The following UNC13C variants were observed in gnomAD, a reference collection of about 807,000 sequenced individuals.
UNC13C encodes protein unc-13 homolog C.
In UNC13C, 174 loss-of-function variants were observed where a neutral mutation model predicts 245.4. The ratio of observed to expected loss-of-function variants is 0.71; its 90% confidence interval spans 0.63 to 0.80. The LOEUF is 0.80. Ranked by LOEUF, UNC13C falls within the 30% of genes least tolerant of loss-of-function variation. UNC13C has a pLI of 0.00. For missense variants in UNC13C, 2,829 were observed against 2,602.9 expected (o/e 1.09, Z -1.89); for synonymous variants, 992 against 895.1 (o/e 1.11, Z -1.93).
intron 2 of UNC13C, among the ~76,000 whole-genome samples, chr15:54,136,230 C>T (rs1478784739): frequency 3.3e-5 from 5 of 152,182 alleles, no homozygotes; most frequent in Admixed American, 3.3e-4. Flanking sequence ...CTTGACCTCC[C>T]AGGCTCAGGT....
chr15:54,300,405 A>G (rs1242999196), intron 13 of UNC13C, 32 bp downstream of exon 13: 2 of 1,525,664 alleles, frequency 1.3e-6, no homozygotes, highest in South Asian at 1.2e-5. Flanking sequence ...CATGGTCAAT[A>G]TCTCTATTAA....
At chr15:53,969,188 A>G in the UNC13C span, among the ~76,000 whole-genome samples, 1 of 152,172 alleles carries the variant, frequency 6.6e-6, no homozygotes, top group African/African-American at 2.4e-5. Context: ...GAAGAGAATC[A>G]GGGCAAGATA....
the UNC13C span, among the ~76,000 whole-genome samples, chr15:53,898,827 T>C: frequency 6.6e-6 from 1 of 152,226 alleles, no homozygotes; most frequent in Non-Finnish European, 1.5e-5. Context: ...ATTTCAAGTA[T>C]ACAATACAGT....
Position 54,385,564 on chromosome 15 carries a change from G to A in UNC13C, c.4714-7484G>A, listed in dbSNP as rs144186896. ...AAGGTGGGTTGTGGCGAGGGTTGGA[G>A]GGGGGCAGGATGAAGCAGGGTTGAT... On this transcript the variant is annotated intron_variant, in intron 17 of 32. Coordinates refer to ENST00000260323, the MANE Select transcript of UNC13C (RefSeq NM_001080534.3). Among the ~76,000 whole-genome samples, 13 of 149,944 alleles carry A rather than the reference G, an allele frequency of 8.7e-5. No individual in the cohort carries two copies. The East Asian group carries it at 2.5e-3, about 29-fold the overall frequency.
At chr15:54,439,332 T>G (rs1890388870) in intron 19 of UNC13C, among the ~76,000 whole-genome samples, 2 of 151,994 alleles carry the variant, frequency 1.3e-5, no homozygotes, top group Non-Finnish European at 2.9e-5. Flanking sequence ...ACCCAGTGCC[T>G]TTGGTAGGTT....
rs1186388587 is a variant in UNC13C at position 54,331,971 on chromosome 15, C to G, written c.4426-72C>G. On this transcript the variant is annotated intron_variant, in intron 14 of 32. Transcript: ENST00000260323. ...TCCTTTCTATAAAATAGAGACAAAA[C>G]TCAGAATTATTATGAGGTCTTTAGA... The G allele has an allele frequency of 3.1e-6, 3 of 982,140 alleles. No homozygotes were observed. The African/African-American group carries it at 5.0e-5, about 16-fold the overall frequency. 60.8% of individuals were successfully genotyped at this position (982,140 alleles called of 1,614,324 possible).
chr15:54,335,131 T>G (rs2038539357), intron 16 of UNC13C, among the ~76,000 whole-genome samples: 1 of 152,132 alleles, frequency 6.6e-6, no homozygotes. Flanking sequence ...GAAAATGTGG[T>G]CTCTTCTACT....
intron 4 of UNC13C, among the ~76,000 whole-genome samples, chr15:54,233,418 C>T (rs984014650): frequency 6.6e-6 from 1 of 152,182 alleles, no homozygotes; most frequent in Non-Finnish European, 1.5e-5. Context: ...AAATAATTTG[C>T]TCATCCTTGA....
At chr15:53,951,030 C>A in the UNC13C span, among the ~76,000 whole-genome samples, 4 of 152,198 alleles carry the variant, frequency 2.6e-5, no homozygotes, top group East Asian at 1.9e-4. Flanking sequence ...GGAGATGAAG[C>A]CTTTTCTCTG....
the UNC13C span, among the ~76,000 whole-genome samples, chr15:53,935,249 C>T: frequency 6.6e-6 from 1 of 151,994 alleles, no homozygotes; most frequent in East Asian, 1.9e-4. Context: ...CTCCTTCCCA[C>T]CCACCCACAG....
chr15:54,232,945 G>A (rs1468178174), intron 4 of UNC13C, among the ~76,000 whole-genome samples: 4 of 152,238 alleles, frequency 2.6e-5, no homozygotes, highest in Middle Eastern at 3.4e-3. Flanking sequence ...AGTATGAATT[G>A]GCAGGGGGTG....
At chr15:54,337,161 G>C (rs34474095) in intron 16 of UNC13C, among the ~76,000 whole-genome samples, 2 of 151,890 alleles carry the variant, frequency 1.3e-5, no homozygotes, top group Non-Finnish European at 2.9e-5. Flanking sequence ...AGCAGGGTGG[G>C]GGGTACTCTC....
chr15:54,260,887 G>A (rs2036407550), intron 8 of UNC13C, among the ~76,000 whole-genome samples: 1 of 151,494 alleles, frequency 6.6e-6, no homozygotes, highest in South Asian at 2.1e-4. Flanking sequence ...GCCATATAAA[G>A]ATGGTAAAAT....
At chr15:54,306,384 T>C (rs1342634993) in intron 13 of UNC13C, among the ~76,000 whole-genome samples, 2 of 151,952 alleles carry the variant, frequency 1.3e-5, no homozygotes, top group Non-Finnish European at 2.9e-5. Flanking sequence ...TTCTAACTAA[T>C]GATAGTAAGA....
chr15:53,890,939 C>T, the UNC13C span, among the ~76,000 whole-genome samples: 1 of 152,068 alleles, frequency 6.6e-6, no homozygotes. Context: ...TTTCCTAGTT[C>T]TTTTAATTTT....
intron 2 of UNC13C, among the ~76,000 whole-genome samples, chr15:54,140,787 T>C (rs532661614): frequency 2.0e-5 from 3 of 152,114 alleles, no homozygotes; most frequent in Non-Finnish European, 4.4e-5. Flanking sequence ...ATGGATTTTA[T>C]GTTCTTTCAT....
chr15:54,521,024 A>C (rs899508103), intron 24 of UNC13C, among the ~76,000 whole-genome samples: 1 of 152,198 alleles, frequency 6.6e-6, no homozygotes, highest in East Asian at 1.9e-4. Flanking sequence ...TGGGGTAATA[A>C]AATTAATGGT....
Position 54,013,537 on chromosome 15 carries a change from A to G in UNC13C, c.634A>G (p.Lys212Glu). The G allele has an allele frequency of 1.9e-6, 3 of 1,613,914 alleles. No homozygotes were observed. The highest frequency in any genetic ancestry group is 1.1e-5 in the South Asian group (1 of 91,080). ...TMKKSWGIRSKSLDRTVRNPK... is the reference protein window; with the variant it reads ...TMKKSWGIRSESLDRTVRNPK... ...GAAAAAATCCTGGGGAATAAGAAGTAAGTCTTTGGACAGAACTGTCCGAAA... is the reference window on the plus strand; with the variant it reads ...GAAAAAATCCTGGGGAATAAGAAGTGAGTCTTTGGACAGAACTGTCCGAAA... The change falls in exon 2 of 33, where the codon AAG (lysine) becomes GAG (glutamate). Residue 212 changes from lysine to glutamate, a missense_variant. Physicochemically the swap from Lys to Glu is moderately conservative, Grantham distance 56. Transcript: ENST00000260323.
intron 6 of UNC13C, 64 bp downstream of exon 6, chr15:54,236,499 C>T: frequency 7.8e-7 from 1 of 1,288,550 alleles, no homozygotes; most frequent in Non-Finnish European, 1.1e-6. Context: ...ACTGCACTTA[C>T]TCATGGGGTA....
Sources: allele counts gnomAD v4.1 joint callset (sites outside exome capture counted in the v4.1 genomes callset), GRCh38; gene constraint gnomAD v4.1.1; transcripts MANE v1.5; gene names NCBI Gene and HGNC (gene_info 2026-07-23, HGNC 2026-07-21).